Variants in TMPRSS7 observed in about 807,000 individuals in gnomAD.
TMPRSS7 encodes transmembrane serine protease 7.
TMPRSS7 carries 81 observed loss-of-function variants against 95.6 expected under a neutral mutation model. That is an observed-to-expected ratio of 0.85 (90% CI 0.71 to 1.02). TMPRSS7 has a LOEUF of 1.02. Among genes scored for constraint, TMPRSS7 ranks in the 50% least tolerant of loss-of-function variants. TMPRSS7 has a pLI of 0.00. For missense variants in TMPRSS7, 945 were observed against 955.2 expected (o/e 0.99, Z 0.14); for synonymous variants, 364 against 337.8 (o/e 1.08, Z -0.85).
At chr3:112,050,844 T>TGAAA in intron 9 of TMPRSS7, 61 bp downstream of exon 9, 2 of 792,918 alleles carry the variant, frequency 2.5e-6, no homozygotes, top group Non-Finnish European at 4.0e-6. Context: ...ATAGCATGAA[T>TGAAA]TTCATTCATT....
chr3:112,079,103 T>G (rs185497787), intron 17 of TMPRSS7, among the ~76,000 whole-genome samples: 19 of 152,368 alleles, frequency 1.2e-4, no homozygotes, highest in Non-Finnish European at 2.5e-4. Context: ...TGTATTTTCC[T>G]TCAATATTTA....
chr3:112,071,774 C>T (rs557874410), intron 13 of TMPRSS7, among the ~76,000 whole-genome samples: 30 of 152,306 alleles, frequency 2.0e-4, no homozygotes, highest in Non-Finnish European at 3.1e-4. Flanking sequence ...ACGTAGTTCT[C>T]GTGCCATAGT....
chr3:112,072,254 G>C (rs1188741397), intron 13 of TMPRSS7, among the ~76,000 whole-genome samples: 8 of 152,226 alleles, frequency 5.3e-5, no homozygotes, highest in Admixed American at 3.3e-4. Flanking sequence ...TCCAGATGCT[G>C]TTTTCCTGGG....
intron 3 of TMPRSS7, chr3:112,042,938 G>A (rs1430392847): frequency 4.4e-6 from 2 of 451,686 alleles, no homozygotes; most frequent in East Asian, 1.4e-4. Flanking sequence ...GGAGAGGGTT[G>A]TCATAGTGAT....
At chr3:112,070,314 G>A (rs1250641623) in intron 13 of TMPRSS7, among the ~76,000 whole-genome samples, 1 of 152,190 alleles carries the variant, frequency 6.6e-6, no homozygotes, top group Non-Finnish European at 1.5e-5. Flanking sequence ...TGTTGATTTG[G>A]GGTAGAGAGT....
chr3:112,054,729 CTTTTTTTTTTTTTTT>C (rs1161735611), intron 9 of TMPRSS7, among the ~76,000 whole-genome samples: 23 of 49,010 alleles, frequency 4.7e-4, no homozygotes, highest in South Asian at 3.8e-3. Context: ...TCTCAGTTTG[CTTTTTTTTTTTTTTT>C]TTTTTTTTTT....
At chr3:112,054,880 C>T (rs1178156980) in intron 9 of TMPRSS7, among the ~76,000 whole-genome samples, 4 of 151,744 alleles carry the variant, frequency 2.6e-5, no homozygotes, top group Non-Finnish European at 5.9e-5. Flanking sequence ...GGTGGGACTA[C>T]AGGCGCCCGC....
At chr3:112,061,114 C>T (rs957765685) in intron 10 of TMPRSS7, among the ~76,000 whole-genome samples, 1 of 152,152 alleles carries the variant, frequency 6.6e-6, no homozygotes, top group African/African-American at 2.4e-5. Flanking sequence ...GGTGGACTAA[C>T]TTACGGGCCT....
At chr3:112,074,438 T>C in intron 14 of TMPRSS7, 26 bp downstream of exon 14, 1 of 1,502,424 alleles carries the variant, frequency 6.7e-7, no homozygotes, top group Non-Finnish European at 9.2e-7. Flanking sequence ...TTCCTTTGGG[T>C]TCCTGTATTC....
At chr3:112,075,283 A>C (rs2073697503) in intron 14 of TMPRSS7, 38 bp from the exon 15 acceptor site, 1 of 1,364,982 alleles carries the variant, frequency 7.3e-7, no homozygotes, top group Admixed American at 3.0e-5. Context: ...TTTTCTTCCA[A>C]GTCTACCTTT....
upstream of TMPRSS7, chr3:112,034,839 C>T: frequency 1.4e-6 from 1 of 702,830 alleles, no homozygotes; most frequent in South Asian, 1.5e-5. Context: ...ACACAAAACG[C>T]CTAATAATGG....
At chr3:112,062,959 G>A (rs2073529044) in intron 11 of TMPRSS7, among the ~76,000 whole-genome samples, 1 of 152,204 alleles carries the variant, frequency 6.6e-6, no homozygotes, top group Admixed American at 6.5e-5. Context: ...CTAGTGGACA[G>A]GGAGGTAAGG....
In TMPRSS7 at chr3:112,068,695, T is replaced by C. The variant is rs578101384; in HGVS notation, c.1666+2193T>C. 3.3e-5 allele frequency among the ~76,000 whole-genome samples: 5 copies of C among 152,342 alleles called. No homozygotes were observed. The South Asian group carries it at 1.0e-3, about 32-fold the overall frequency. On this transcript the variant is annotated intron_variant, in intron 13 of 17. Coordinates refer to ENST00000452346, the Ensembl canonical transcript of TMPRSS7. The stretch of plus-strand genomic sequence containing the variant: ...ATTTTATATCCTGAGACTGCTGAAA[T>C]TGCTTATCAGCTTAAGGAGATTTTG...
Position 112,057,014 on chromosome 3 carries a change from TA to T in TMPRSS7, c.1204-10del. ...AAGCATTTTTTTCTGACTTAATGTT[TA>T]TTTTCACAGACTTCTCTATCAACTC... On this transcript the variant is annotated splice_polypyrimidine_tract_variant and intron_variant, in intron 9 of 17. Transcript: ENST00000452346. 6.4e-7 allele frequency: 1 copy of T among 1,569,226 alleles called. No homozygotes were observed. Among genetic ancestry groups the T allele is most frequent in the Non-Finnish European group, 8.7e-7 (1 of 1,146,390 alleles).
At chr3:112,077,988 G>A (rs117164811) in intron 16 of TMPRSS7, among the ~76,000 whole-genome samples, 2 of 152,200 alleles carry the variant, frequency 1.3e-5, no homozygotes, top group East Asian at 3.9e-4. Context: ...CCTGAACCTT[G>A]CCCTGTAGCC....
chr3:112,058,461 T>C (rs2073459225), intron 10 of TMPRSS7, among the ~76,000 whole-genome samples: 1 of 152,246 alleles, frequency 6.6e-6, no homozygotes, highest in Admixed American at 6.5e-5. Flanking sequence ...GTAATGATTC[T>C]TAATAAGTTT....
At chr3:112,050,104 A>C in intron 8 of TMPRSS7, 130 bp downstream of exon 8, 1 of 809,474 alleles carries the variant, frequency 1.2e-6, no homozygotes, top group Non-Finnish European at 1.8e-6. Flanking sequence ...AGGTCCAGTC[A>C]GAAGAGAGAG....
intron 9 of TMPRSS7, among the ~76,000 whole-genome samples, chr3:112,051,634 A>G (rs1456967716): frequency 6.0e-5 from 6 of 100,410 alleles, no homozygotes; most frequent in African/African-American, 1.9e-4. Flanking sequence ...TCATCTATCT[A>G]TCTATCTATC....
Position 112,070,792 on chromosome 3 carries a change from T to C in TMPRSS7, c.1667-3504T>C, listed in dbSNP as rs576936108. On this transcript the variant is annotated intron_variant, in intron 13 of 17. Transcript: ENST00000452346. ...CTTGACTCTTTTATTATTATTATTA[T>C]TATACTTTAAGTTCTAGGGTGCGTG... is the stretch of plus-strand genomic sequence containing the variant. Among the ~76,000 whole-genome samples the C allele has an allele frequency of 2.4e-4, 36 of 152,316 alleles. 1 individual carries two copies. In the East Asian group the frequency reaches 6.0e-3, roughly 25 times the overall value.
Sources: gnomAD v4.1 joint callset for allele counts (sites outside exome capture counted in the v4.1 genomes callset) on GRCh38, gnomAD v4.1.1 for gene constraint, MANE v1.5 for transcripts, NCBI Gene and HGNC (gene_info 2026-07-23, HGNC 2026-07-21) for gene names.